ABAT: variants seen among roughly 807,000 people sequenced by gnomAD.
The protein encoded by ABAT is 4-aminobutyrate aminotransferase.
Under a neutral mutation model 64.6 loss-of-function variants are expected in ABAT, and 45 were observed. The ratio of observed to expected loss-of-function variants is 0.70; its 90% CI spans 0.55 to 0.89. The LOEUF (loss-of-function observed/expected upper bound fraction) is 0.89, where lower values mean the gene tolerates loss of function less well. ABAT is among the 40% of genes least tolerant of loss of function. ABAT has a pLI of 0.00. For synonymous variants in ABAT, 297 were observed against 250.5 expected (o/e 1.19, Z -1.75); for missense variants, 633 against 658.4 (o/e 0.96, Z 0.42).
chr16:8,723,955 G>C (rs11648678), intron 1 of ABAT, among the ~76,000 whole-genome samples: 105,178 of 148,668 alleles, frequency 0.71, 37,597 homozygotes, highest in East Asian at 0.9. Flanking sequence ...ATTATCCTGT[G>C]TCAGCCTCCC....
At chr16:8,723,913 T>G (rs1350091889) in intron 1 of ABAT, among the ~76,000 whole-genome samples, 2 of 137,206 alleles carry the variant, frequency 1.5e-5, no homozygotes, top group African/African-American at 5.5e-5. Context: ...TGATCTAGGC[T>G]CACTGCAACC....
intron 2 of ABAT, chr16:8,738,427 T>A (rs972576657): frequency 2.2e-6 from 1 of 455,964 alleles, no homozygotes; most frequent in Non-Finnish European, 4.4e-6. Context: ...TCCTTTAATG[T>A]CTTTTTCTGC....
intron 11 of ABAT, among the ~76,000 whole-genome samples, chr16:8,772,282 G>C (rs914736952): frequency 0.039 from 3,475 of 89,292 alleles, 147 homozygotes; most frequent in African/African-American, 0.17. Context: ...GTGTGTGTGT[G>C]TGTGTGTGTG....
At chr16:8,714,325 C>G (rs932053249) in intron 1 of ABAT, among the ~76,000 whole-genome samples, 2 of 152,214 alleles carry the variant, frequency 1.3e-5, no homozygotes, top group Admixed American at 6.5e-5. Flanking sequence ...CAAACACACA[C>G]ACCCCTTTCT....
intron 9 of ABAT, among the ~76,000 whole-genome samples, chr16:8,767,847 T>C (rs1257494297): frequency 2.0e-5 from 3 of 152,060 alleles, no homozygotes; most frequent in Non-Finnish European, 4.4e-5. Context: ...GTCTAATTTT[T>C]GTATTTTTAG....
chr16:8,745,942 C>T, intron 2 of ABAT, 59 bp from the exon 3 acceptor site: 2 of 1,533,356 alleles, frequency 1.3e-6, no homozygotes, highest in Non-Finnish European at 9.0e-7. Flanking sequence ...TCTGTCAGGG[C>T]AGAATCCTCA....
At position 8,776,286 on chromosome 16, in the gene ABAT, T is replaced by C; in HGVS notation, c.1123-58T>C. On this transcript the variant is annotated intron_variant, in intron 13 of 15. Transcript: ENST00000268251. This position sits in a 1 kb window ranked among gnomAD's most constrained non-coding sequence, Gnocchi z 4.4. ...GAGGAGGCGGGGCGCCTGGGGTAAG[T>C]GACTCCTGCAGGGTGTGCATGTGTG... is the stretch of plus-strand genomic sequence containing the variant. 6.2e-7 allele frequency: 1 copy of C among 1,613,062 alleles called. No homozygotes were observed. The highest frequency in any genetic ancestry group is 8.5e-7 in the Non-Finnish European group (1 of 1,179,744).
intron 14 of ABAT, among the ~76,000 whole-genome samples, chr16:8,777,310 C>G (rs1043368910): frequency 2.0e-5 from 3 of 152,078 alleles, no homozygotes; most frequent in Non-Finnish European, 4.4e-5. Flanking sequence ...TTTGTGCAAC[C>G]TGTTGCATAC....
Position 8,783,981 on chromosome 16 carries a change from G to T in ABAT, c.*2551G>T, listed in dbSNP as rs2143011878. ...TGAGTTCCTGAGACATGCTCTTTTG[G>T]GGGCTGGGGCTTTAGCTAGAAGAAT... On this transcript the variant is annotated 3_prime_UTR_variant, in exon 16 of 16. Coordinates refer to ENST00000268251, the MANE Select transcript of ABAT (RefSeq NM_020686.6). 1 of 152,290 alleles carries T rather than the reference G, an allele frequency of 6.6e-6. No individual in the cohort carries two copies. Among genetic ancestry groups the T allele is most frequent in the East Asian group, 1.9e-4 (1 of 5,190 alleles). The allele number at this position is 152,290 out of a possible 1,614,324, so 9.4% of individuals were successfully genotyped here.
chr16:8,686,390 T>C (rs1040439729), intron 1 of ABAT, among the ~76,000 whole-genome samples: 1 of 152,080 alleles, frequency 6.6e-6, no homozygotes, highest in African/African-American at 2.4e-5. Flanking sequence ...TGGGGACAGG[T>C]TCCAGGAGGG....
intron 1 of ABAT, among the ~76,000 whole-genome samples, chr16:8,693,773 T>C (rs951493700): frequency 2.0e-5 from 3 of 152,136 alleles, no homozygotes; most frequent in Non-Finnish European, 4.4e-5. Flanking sequence ...CCAGCTTGTT[T>C]TTAGGTCTTG....
In ABAT at chr16:8,776,975, C is replaced by T. The variant is rs777188710; in HGVS notation, c.1269+485C>T. Among the ~76,000 whole-genome samples the T allele has an allele frequency of 8.6e-5, 13 of 152,038 alleles. No individual in the cohort carries two copies. Among genetic ancestry groups the T allele is most frequent in the African/African-American group, 1.9e-4 (8 of 41,386 alleles). Reference sequence around the variant, plus strand: ...GTGCAGTGGCGCAATCTCAGCTCACCGCAACCGCTGCCTCCTGGGTTCAGG... The same window carrying T: ...GTGCAGTGGCGCAATCTCAGCTCACTGCAACCGCTGCCTCCTGGGTTCAGG... On this transcript the variant is annotated intron_variant, in intron 14 of 15. Coordinates refer to ENST00000268251, the MANE Select transcript of ABAT (RefSeq NM_020686.6). This position sits in a 1 kb window ranked among gnomAD's most constrained non-coding sequence, Gnocchi z 4.4.
chr16:8,742,725 G>C (rs1289992500), intron 2 of ABAT, among the ~76,000 whole-genome samples: 2 of 151,884 alleles, frequency 1.3e-5, no homozygotes, highest in East Asian at 3.9e-4. Flanking sequence ...AATTAGCCGG[G>C]CATGGTGACG....
intron 1 of ABAT, among the ~76,000 whole-genome samples, chr16:8,731,228 T>C (rs1282540780): frequency 6.6e-6 from 1 of 152,082 alleles, no homozygotes. Context: ...CTCCCAAAAT[T>C]CCGGGATTAC....
chr16:8,761,752 C>A (rs1229124965), intron 6 of ABAT, among the ~76,000 whole-genome samples: 1 of 152,148 alleles, frequency 6.6e-6, no homozygotes, highest in Admixed American at 6.5e-5. Flanking sequence ...GCTGGAGATG[C>A]ACTCAGGTGG....
chr16:8,770,224 G>A lies in ABAT; in HGVS notation c.816+1251G>A, dbSNP rs180676156. On this transcript the variant is annotated intron_variant, in intron 11 of 15. Coordinates refer to ENST00000268251, the MANE Select transcript of ABAT (RefSeq NM_020686.6). ...GCGATCTCAGCTCACTGCAAGCTCCGCCTCCTGGGTTCATGCCATTTTCCT... is the reference window on the plus strand; with the variant it reads ...GCGATCTCAGCTCACTGCAAGCTCCACCTCCTGGGTTCATGCCATTTTCCT... Among the ~76,000 whole-genome samples, 244 of 150,498 alleles carry A rather than the reference G, an allele frequency of 1.6e-3. 1 individual carries two copies. The highest frequency in any genetic ancestry group is 6.6e-4 in the Admixed American group (10 of 15,110).
At chr16:8,679,883 T>C (rs1641110) in intron 1 of ABAT, among the ~76,000 whole-genome samples, 89,099 of 151,834 alleles carry the variant, frequency 0.59, 26,598 homozygotes, top group East Asian at 0.77. Context: ...GCTATAGCTC[T>C]TCCTCCCTGG....
chr16:8,723,402 G>T (rs139744090), intron 1 of ABAT, among the ~76,000 whole-genome samples: 1 of 152,258 alleles, frequency 6.6e-6, no homozygotes, highest in African/African-American at 2.4e-5. Flanking sequence ...GGTGCTTCAG[G>T]CTTCTGTACC....
Position 8,768,845 on chromosome 16 carries a change from T to G in ABAT, c.688T>G (p.Ser230Ala). The G allele has an allele frequency of 6.2e-7, 1 of 1,614,184 alleles. No homozygotes were observed. The highest frequency in any genetic ancestry group is 1.1e-5 in the South Asian group (1 of 91,082). ...CTCAGGTTGCTTAGCGACCACGCACTCTAAAGCCATTCACAAGATCGACAT... is the reference window on the plus strand; with the variant it reads ...CTCAGGTTGCTTAGCGACCACGCACGCTAAAGCCATTCACAAGATCGACAT... Reference protein sequence around the residue: ...RTMGCLATTHSKAIHKIDIPS... With the variant: ...RTMGCLATTHAKAIHKIDIPS... The change falls in exon 11 of 16, where the codon TCT (serine) becomes GCT (alanine). Residue 230 changes from serine to alanine, a missense_variant. By Grantham distance (99) the Ser-to-Ala change is moderately conservative. Transcript: ENST00000268251.
Sources: gnomAD v4.1 joint callset for allele counts (sites outside exome capture counted in the v4.1 genomes callset) on GRCh38, gnomAD v4.1.1 for gene constraint, Gnocchi (gnomAD v3.1) non-coding constraint, MANE v1.5 for transcripts, NCBI Gene and HGNC (gene_info 2026-07-23, HGNC 2026-07-21) for gene names.